PPEF1: variants seen among roughly 807,000 people sequenced by gnomAD.
The protein encoded by PPEF1 is serine/threonine-protein phosphatase with EF-hands 1.
PPEF1 carries 12 observed loss-of-function variants against 53.3 expected under a neutral mutation model. The ratio of observed to expected loss-of-function variants is 0.23; its 90% CI spans 0.14 to 0.36. PPEF1 has a LOEUF of 0.36. Ranked by LOEUF, PPEF1 falls within the 10% of genes least tolerant of loss-of-function variation. PPEF1 has a pLI of 1.00. For synonymous variants in PPEF1, 165 were observed against 176.7 expected (o/e 0.93, Z 0.52); for missense variants, 334 against 490.4 (o/e 0.68, Z 3.01).
intron 2 of PPEF1, among the ~76,000 whole-genome samples, chrX:18,685,553 C>T (rs1027691684): frequency 5.5e-5 from 6 of 109,911 alleles, no homozygotes; most frequent in African/African-American, 1.7e-4. Flanking sequence ...GCCGCGGTGG[C>T]GGGTGCCTGT....
intron 4 of PPEF1, among the ~76,000 whole-genome samples, chrX:18,691,837 T>A (rs1286349468): frequency 8.9e-6 from 1 of 112,083 alleles, no homozygotes; most frequent in African/African-American, 3.2e-5. Flanking sequence ...ATGGCAAAGG[T>A]AAATTGCTTC....
At chrX:18,677,929 G>A (rs747065214) in intron 1 of PPEF1, among the ~76,000 whole-genome samples, 2 of 110,816 alleles carry the variant, frequency 1.8e-5, no homozygotes, top group South Asian at 3.9e-4. Context: ...ATCTGGAGAC[G>A]CTTTTGTTGG....
At position 18,733,355 on chromosome X, in the gene PPEF1, A is replaced by G. The variant is rs183685550; in HGVS notation, c.175-393A>G. ...GGGAAAGCCTGTAAGGGAGTGAGGA[A>G]TGCGAGACAGGACAGGGGAGAAGCT... On this transcript the variant is annotated intron_variant, in intron 2 of 15. Coordinates refer to ENST00000470157, the MANE Select transcript of PPEF1 (RefSeq NM_001377996.1). Among the ~76,000 whole-genome samples the G allele has an allele frequency of 4.0e-3, 452 of 112,107 alleles. 2 individuals carry two copies. The highest frequency in any genetic ancestry group is 0.023 in the Middle Eastern group (5 of 216).
At chrX:18,802,864 T>G (rs890008274) in intron 10 of PPEF1, among the ~76,000 whole-genome samples, 1 of 109,738 alleles carries the variant, frequency 9.1e-6, no homozygotes, top group Non-Finnish European at 1.9e-5. Flanking sequence ...AAAAAAAAAA[T>G]GGCAAGGCCT....
upstream of PPEF1, among the ~76,000 whole-genome samples, chrX:18,703,038 A>G (rs189841430): frequency 2.0e-4 from 22 of 111,172 alleles, no homozygotes; most frequent in African/African-American, 6.2e-4. Context: ...AGGGTGGGAA[A>G]TGGAAGCAGC....
chrX:18,682,720 T>C (rs1282435420), upstream of PPEF1, among the ~76,000 whole-genome samples: 1 of 112,166 alleles, frequency 8.9e-6, no homozygotes, highest in Non-Finnish European at 1.9e-5. Flanking sequence ...GGATGAGCGT[T>C]GGCACAGTGG....
intron 6 of PPEF1, among the ~76,000 whole-genome samples, chrX:18,775,371 G>A (rs758771236): frequency 1.3e-4 from 14 of 109,158 alleles, no homozygotes; most frequent in Non-Finnish European, 2.1e-4. Context: ...TTACAGGTGC[G>A]TGCCACCACG....
chrX:18,774,612 A>T (rs958768397), intron 6 of PPEF1, among the ~76,000 whole-genome samples: 1 of 112,297 alleles, frequency 8.9e-6, no homozygotes, highest in Non-Finnish European at 1.9e-5. Context: ...ACACATTTGC[A>T]TGTCTGTCTT....
At position 18,827,659 on chromosome X, in the gene PPEF1, T is replaced by C. The variant is rs1569275248; in HGVS notation, c.*172T>C. The C allele has an allele frequency of 2.3e-6, 1 of 443,687 alleles. No homozygotes were observed. Among genetic ancestry groups the C allele is most frequent in the African/African-American group, 2.4e-5 (1 of 41,142 alleles). The allele number at this position is 443,687 out of a possible 1,213,427, so 36.6% of individuals were successfully genotyped here. A position where few individuals can be genotyped will look rare whatever the true frequency, so the allele number is the denominator to read the frequency against. On this transcript the variant is annotated 3_prime_UTR_variant, in exon 16 of 16. Coordinates refer to ENST00000470157, the MANE Select transcript of PPEF1 (RefSeq NM_001377996.1). ...TTTGGAAGTCCCTAGCAAGCTGTTA[T>C]TGGTAAGATTAGGTTAAATGTCAGT... is the stretch of plus-strand genomic sequence containing the variant.
chrX:18,707,701 GCTTA>G lies in PPEF1; in HGVS notation c.-79_-76del. 1 of 944,588 alleles carries G rather than the reference GCTTA, an allele frequency of 1.1e-6. No individual in the cohort carries two copies. The highest frequency in any genetic ancestry group is 1.5e-6 in the Non-Finnish European group (1 of 656,943). The allele number at this position is 944,588 out of a possible 1,213,427, so 77.8% of individuals were successfully genotyped here. ...GATCGGCTAAGAGTGGTTCCTCGCA[GCTTA>G]AAGGGAGGCACTTTTCACACTCTGT... On this transcript the variant is annotated 5_prime_UTR_variant, in exon 1 of 16. It removes the in-frame stop codon of an upstream open reading frame in the 5' UTR. Transcript: ENST00000470157.
chrX:18,756,819 C>T (rs1274162464), intron 4 of PPEF1, among the ~76,000 whole-genome samples: 1 of 112,023 alleles, frequency 8.9e-6, no homozygotes, highest in Non-Finnish European at 1.9e-5. Flanking sequence ...AGAAAACTTC[C>T]CCTTTAGACA....
At chrX:18,802,555 GA>G in intron 10 of PPEF1, among the ~76,000 whole-genome samples, 1 of 111,845 alleles carries the variant, frequency 8.9e-6, no homozygotes, top group Non-Finnish European at 1.9e-5. Flanking sequence ...ATCGAGGGGG[GA>G]AAAGTGAAGG....
At chrX:18,720,210 G>C (rs1220620256) in intron 1 of PPEF1, among the ~76,000 whole-genome samples, 1 of 105,935 alleles carries the variant, frequency 9.4e-6, no homozygotes, top group Non-Finnish European at 1.9e-5. Context: ...GAATAAAGGA[G>C]ACTGAAGAAA....
At chrX:18,675,981 G>A (rs1180097475) in exon 1 of PPEF1, 1 of 86,985 alleles carries the variant, frequency 1.1e-5, no homozygotes, top group Non-Finnish European at 2.2e-5. Context: ...ATCTTTAAGC[G>A]CCCAGGTGAA....
At chrX:18,731,990 G>T (rs1462648839) in intron 2 of PPEF1, among the ~76,000 whole-genome samples, 2 of 112,119 alleles carry the variant, frequency 1.8e-5, no homozygotes, top group African/African-American at 6.5e-5. Context: ...AGGTTCAACC[G>T]ATTCTCCTGC....
intron 6 of PPEF1, among the ~76,000 whole-genome samples, chrX:18,776,971 C>T (rs1004835822): frequency 8.9e-6 from 1 of 112,368 alleles, no homozygotes; most frequent in African/African-American, 3.2e-5. Flanking sequence ...ATAACATGGT[C>T]ATAATAAAAT....
chrX:18,796,958 TAGAAG>T (rs2046442968), intron 10 of PPEF1, among the ~76,000 whole-genome samples: 1 of 111,457 alleles, frequency 9.0e-6, no homozygotes, highest in Non-Finnish European at 1.9e-5. Flanking sequence ...CTAGAAGAGT[TAGAAG>T]AGCCTTAAGA....
upstream of PPEF1, among the ~76,000 whole-genome samples, chrX:18,682,813 T>C (rs1489955162): frequency 4.5e-5 from 5 of 111,363 alleles, no homozygotes; most frequent in East Asian, 8.5e-4. Flanking sequence ...CTGACAGTTA[T>C]GGGAATGGCC....
At chrX:18,694,911 GTTA>G in intron 4 of PPEF1, among the ~76,000 whole-genome samples, 1 of 112,220 alleles carries the variant, frequency 8.9e-6, no homozygotes, top group Non-Finnish European at 1.9e-5. Flanking sequence ...TCTGCCGTCT[GTTA>G]TTTACTTTTC....
Sources: gnomAD v4.1 joint callset for allele counts (sites outside exome capture counted in the v4.1 genomes callset) on GRCh38, gnomAD v4.1.1 for gene constraint, MANE v1.5 for transcripts, NCBI Gene and HGNC (gene_info 2026-07-23, HGNC 2026-07-21) for gene names.